The following IGF1 variants were observed in gnomAD, a reference collection of about 807,000 sequenced individuals.
IGF1 encodes insulin-like growth factor 1.
IGF1 carries 4 observed loss-of-function variants against 13.8 expected under a neutral mutation model. The observed-to-expected ratio is 0.29, with a 90% CI of 0.14 to 0.66. The LOEUF (loss-of-function observed/expected upper bound fraction) is 0.66. Ranked by LOEUF, IGF1 falls within the 30% of genes least tolerant of loss-of-function variation. IGF1 has a pLI of 0.78. For synonymous variants in IGF1, 76 were observed against 72.6 expected, an observed-to-expected ratio of 1.05 and a Z score of -0.23; for missense variants, 124 against 188.5, an observed-to-expected ratio of 0.66 and a Z score of 2.00.
At chr12:102,435,705 C>A (rs1311826524) in intron 2 of IGF1, among the ~76,000 whole-genome samples, 1 of 152,188 alleles carries the variant, frequency 6.6e-6, no homozygotes, top group African/African-American at 2.4e-5. Flanking sequence ...GAAATTCAGG[C>A]CCATAATTCT....
chr12:102,421,118 T>A, intron 2 of IGF1, among the ~76,000 whole-genome samples: 1 of 152,204 alleles, frequency 6.6e-6, no homozygotes, highest in African/African-American at 2.4e-5. Flanking sequence ...GCTTTCCTGA[T>A]GCTTGGCACA....
At chr12:102,478,558 T>G (rs1881214991) in intron 1 of IGF1, 2 of 1,600,764 alleles carry the variant, frequency 1.2e-6, no homozygotes, top group Admixed American at 3.4e-5. Flanking sequence ...GAGGCCGATG[T>G]GAATAGAAAA....
intron 2 of IGF1, among the ~76,000 whole-genome samples, chr12:102,456,980 T>C (rs1879467793): frequency 6.6e-6 from 1 of 152,162 alleles, no homozygotes; most frequent in South Asian, 2.1e-4. Flanking sequence ...TCCACAGGTA[T>C]TATCTCTCCT....
Position 102,419,647 on chromosome 12 carries a change from C to G in IGF1, c.264G>C (p.Gln88His). 1 of 1,613,458 alleles carries G rather than the reference C, an allele frequency of 6.2e-7. No individual in the cohort carries two copies. The highest frequency in any genetic ancestry group is 8.5e-7 in the Non-Finnish European group (1 of 1,180,026). The change falls in exon 3 of 4, where the codon CAG becomes CAC. Residue 88 changes from glutamine (Q) to histidine (H), a missense_variant. Transcript: ENST00000337514. Reference sequence around the variant, plus strand: ...AGCAGCACTCATCCACGATGCCTGTCTGAGGCGCCCTCCGACTGCTGGAGC... The same window carrying G: ...AGCAGCACTCATCCACGATGCCTGTGTGAGGCGCCCTCCGACTGCTGGAGC... ...GYGSSSRRAP[Q>H]TGIVDECCFR...
In IGF1 at chr12:102,400,817, T is replaced by A. The variant is rs985738200; in HGVS notation, c.*1690A>T. The A allele has an allele frequency of 3.3e-5, 5 of 152,218 alleles. No homozygotes were observed. The highest frequency in any genetic ancestry group is 5.9e-5 in the Non-Finnish European group (4 of 68,036). The allele number at this position is 152,218 out of a possible 1,614,324, so 9.4% of individuals were successfully genotyped here. On this transcript the variant is annotated 3_prime_UTR_variant, in exon 4 of 4. Coordinates refer to ENST00000337514, the MANE Select transcript of IGF1 (RefSeq NM_000618.5). ...GAGTAATTAATTCCCCTTTCACTGG[T>A]AGAAATCTCTTTGTTTTTCTCCTTT...
intron 3 of IGF1, chr12:102,417,490 A>C: frequency 1.1e-6 from 1 of 934,768 alleles, no homozygotes; most frequent in Non-Finnish European, 1.3e-6. Context: ...AGAAGCCTTA[A>C]TTTTTATTTA....
intron 3 of IGF1, among the ~76,000 whole-genome samples, chr12:102,412,814 A>G (rs537932392): frequency 6.6e-6 from 1 of 151,824 alleles, no homozygotes; most frequent in Non-Finnish European, 1.5e-5. Context: ...CTCAATCTCC[A>G]TTTCTCTCTT....
chr12:102,413,129 G>T (rs1874786950), intron 3 of IGF1, among the ~76,000 whole-genome samples: 2 of 152,174 alleles, frequency 1.3e-5, no homozygotes, highest in Admixed American at 1.3e-4. Context: ...GTATTGAGGT[G>T]AGCATACAAA....
chr12:102,452,175 T>C (rs929214150), intron 2 of IGF1, among the ~76,000 whole-genome samples: 3 of 134,304 alleles, frequency 2.2e-5, no homozygotes, highest in Non-Finnish European at 4.6e-5. Context: ...GGCAGGAGAA[T>C]GGCGTGAACC....
chr12:102,477,719 C>G (rs1381959958), intron 1 of IGF1, among the ~76,000 whole-genome samples: 1 of 152,112 alleles, frequency 6.6e-6, no homozygotes, highest in Non-Finnish European at 1.5e-5. Context: ...GTATGTTATT[C>G]TACCGAATCC....
At chr12:102,423,258 CGAA>C (rs1565973169) in intron 2 of IGF1, 1 of 57,734 alleles carries the variant, frequency 1.7e-5, no homozygotes, top group Admixed American at 3.2e-4. Context: ...CTCGATGCTA[CGAA>C]AAAAAAAAAA....
intron 3 of IGF1, chr12:102,418,095 G>A: frequency 7.6e-7 from 1 of 1,319,306 alleles, no homozygotes; most frequent in Non-Finnish European, 1.0e-6. Flanking sequence ...TCCATATGAT[G>A]CAGGAGACAG....
At position 102,396,915 on chromosome 12, in the gene IGF1, C is replaced by T. The variant is rs1873236195; in HGVS notation, c.*5592G>A. The T allele has an allele frequency of 5.0e-6, 2 of 398,034 alleles. No homozygotes were observed. Among genetic ancestry groups the T allele is most frequent in the South Asian group, 1.3e-4 (1 of 7,856 alleles). The allele number at this position is 398,034 out of a possible 1,614,324, so 24.7% of individuals were successfully genotyped here. On this transcript the variant is annotated 3_prime_UTR_variant, in exon 4 of 4. Coordinates refer to ENST00000337514, the MANE Select transcript of IGF1 (RefSeq NM_000618.5). ...CATGTAATCATACATTAAGAGGGAA[C>T]ACATGGGCAGGGTGTGGTGGCTCAT...
chr12:102,454,312 C>T (rs950539391), intron 2 of IGF1, among the ~76,000 whole-genome samples: 14 of 152,186 alleles, frequency 9.2e-5, no homozygotes, highest in African/African-American at 3.1e-4. Context: ...CTGAAGCTTG[C>T]CATTAACCAT....
chr12:102,464,915 G>A (rs1023824193), intron 2 of IGF1, among the ~76,000 whole-genome samples: 3 of 152,148 alleles, frequency 2.0e-5, no homozygotes, highest in Non-Finnish European at 4.4e-5. Flanking sequence ...GAAATCTTTT[G>A]CCTATATGTG....
At position 102,398,947 on chromosome 12, in the gene IGF1, G is replaced by A. The variant is rs1387552233; in HGVS notation, c.*3560C>T. 6.6e-6 allele frequency: 1 copy of A among 152,370 alleles called. No individual in the cohort carries two copies. The highest frequency in any genetic ancestry group is 1.5e-5 in the Non-Finnish European group (1 of 67,964). The allele number at this position is 152,370 out of a possible 1,614,324, so 9.4% of individuals were successfully genotyped here. On this transcript the variant is annotated 3_prime_UTR_variant, in exon 4 of 4. Coordinates refer to ENST00000337514, the MANE Select transcript of IGF1 (RefSeq NM_000618.5). The stretch of plus-strand genomic sequence containing the variant: ...ATAAAATAGTAACAGAAACCCTGGA[G>A]CCACAGAGCATGAGATGGTTTCATC...
At chr12:102,429,780 C>A (rs540003562) in intron 2 of IGF1, among the ~76,000 whole-genome samples, 1 of 152,294 alleles carries the variant, frequency 6.6e-6, no homozygotes, top group East Asian at 1.9e-4. Flanking sequence ...CTCAAACATG[C>A]TGTGAATGGC....
chr12:102,477,995 T>G (rs1262938063), intron 1 of IGF1, among the ~76,000 whole-genome samples: 4 of 95,416 alleles, frequency 4.2e-5, no homozygotes, highest in African/African-American at 1.4e-4. Context: ...ATTTCTCTTT[T>G]TCTTTTTTTT....
Position 102,464,199 on chromosome 12 carries a change from G to A in IGF1, c.220+11444C>T, listed in dbSNP as rs1167719203. 2.0e-5 allele frequency among the ~76,000 whole-genome samples: 3 copies of A among 152,124 alleles called. No individual in the cohort carries two copies. In the East Asian group the frequency reaches 5.8e-4, roughly 29 times the overall value. On this transcript the variant is annotated intron_variant, in intron 2 of 3. Coordinates refer to ENST00000337514, the MANE Select transcript of IGF1 (RefSeq NM_000618.5). ...AGACCTTATTGGTGAGGGTCCAGTA[G>A]CCTTTGAAAATTACCTGTTGACTAG...
Sources: allele counts gnomAD v4.1 joint callset (sites outside exome capture counted in the v4.1 genomes callset), GRCh38; gene constraint gnomAD v4.1.1; transcripts MANE v1.5; gene names NCBI Gene and HGNC (gene_info 2026-07-23, HGNC 2026-07-21).